The following KSR1 variants were observed in gnomAD, a reference collection of about 807,000 sequenced individuals.
KSR1 encodes kinase suppressor of ras.
In KSR1, 35 loss-of-function variants were observed where a neutral mutation model predicts 92.9. The ratio of observed to expected loss-of-function variants is 0.38; its 90% CI spans 0.29 to 0.50. The LOEUF is 0.50. KSR1 is among the 20% of genes least tolerant of loss of function. The probability of loss-of-function intolerance (pLI) is 0.94; values close to 1 mark genes in which losing one functional copy is unlikely to be tolerated. For missense variants in KSR1, 972 were observed against 1,158.5 expected (o/e 0.84, Z 2.34); for synonymous variants, 467 against 472.6 (o/e 0.99, Z 0.15).
At position 27,559,856 on chromosome 17, in the gene KSR1, G is replaced by A. The variant is rs919343697; in HGVS notation, c.372+9148G>A. ...AGGAGGAGTCTGTGAGGAGGCTGGC[G>A]GGGAGCCGGGGTGGATTCCTGCAGC... On this transcript the variant is annotated intron_variant, in intron 2 of 20. Transcript: ENST00000644974. This position sits in a 1 kb window ranked among gnomAD's most constrained non-coding sequence, Gnocchi z 4.2. Among the ~76,000 whole-genome samples the A allele has an allele frequency of 1.3e-4, 20 of 152,362 alleles. No homozygotes were observed. The highest frequency in any genetic ancestry group is 4.6e-4 in the African/African-American group (19 of 41,596).
chr17:27,547,266 T>A (rs2151081282), intron 1 of KSR1, among the ~76,000 whole-genome samples: 1 of 152,354 alleles, frequency 6.6e-6, no homozygotes, highest in East Asian at 1.9e-4. Flanking sequence ...ATTATGGGTC[T>A]CATTTCATGC....
intron 1 of KSR1, among the ~76,000 whole-genome samples, chr17:27,464,795 A>G (rs2019607251): frequency 6.6e-6 from 1 of 152,084 alleles, no homozygotes; most frequent in Admixed American, 6.5e-5. Context: ...TAATGTAAAA[A>G]TTCTTTACAA....
At chr17:27,457,862 G>A (rs553908103) in intron 1 of KSR1, among the ~76,000 whole-genome samples, 2 of 152,152 alleles carry the variant, frequency 1.3e-5, no homozygotes, top group South Asian at 4.2e-4. Context: ...TGCAGGTCTG[G>A]GGATGTTTTG....
intron 12 of KSR1, 81 bp from the exon 13 acceptor site, chr17:27,604,599 G>T: frequency 7.2e-7 from 1 of 1,394,764 alleles, no homozygotes; most frequent in Admixed American, 1.7e-5. Flanking sequence ...CTTTGTCTCA[G>T]ATCTCTCCCG....
intron 3 of KSR1, chr17:27,578,184 G>A (rs928785272): frequency 6.5e-5 from 11 of 168,362 alleles, no homozygotes; most frequent in East Asian, 3.7e-4. Context: ...ATCTTGCGTC[G>A]GAAACAGCTT....
chr17:27,512,130 T>C (rs557034671), intron 1 of KSR1, among the ~76,000 whole-genome samples: 1 of 152,308 alleles, frequency 6.6e-6, no homozygotes, highest in African/African-American at 2.4e-5. Context: ...CCCAGCAAAA[T>C]TCCCTGCTCT....
intron 4 of KSR1, 143 bp downstream of exon 4, chr17:27,583,248 C>A: frequency 1.6e-6 from 1 of 622,948 alleles, no homozygotes; most frequent in South Asian, 2.1e-5. Flanking sequence ...TCAGTCCATT[C>A]CTCAGACTAC....
intron 1 of KSR1, among the ~76,000 whole-genome samples, chr17:27,542,750 A>G (rs758580602): frequency 6.6e-6 from 1 of 152,186 alleles, no homozygotes; most frequent in African/African-American, 2.4e-5. Flanking sequence ...ACAGAGTTCT[A>G]TTTAGTGAGC....
intron 1 of KSR1, among the ~76,000 whole-genome samples, chr17:27,520,611 C>T (rs753523670): frequency 2.0e-5 from 3 of 152,252 alleles, no homozygotes; most frequent in Non-Finnish European, 4.4e-5. Context: ...CTGGCTTTTC[C>T]GTGCAGAACG....
At chr17:27,462,603 A>G (rs1177184436) in intron 1 of KSR1, among the ~76,000 whole-genome samples, 2 of 152,238 alleles carry the variant, frequency 1.3e-5, no homozygotes, top group Non-Finnish European at 2.9e-5. Context: ...CAGTTTACTC[A>G]TAATTTTTTA....
rs1296442592 is a variant in KSR1 at position 27,560,241 on chromosome 17, A to G, written c.372+9533A>G. ...TCATATTCTGGCAGCAGCTGGGGAA[A>G]TGATTTCAGAGCCTGCTGGCATGGA... On this transcript the variant is annotated intron_variant, in intron 2 of 20. Transcript: ENST00000644974. The G allele has an allele frequency of 3.9e-5, 14 of 363,368 alleles. 1 individual carries two copies. The highest frequency in any genetic ancestry group is 2.8e-4 in the South Asian group (13 of 47,268). The allele number at this position is 363,368 out of a possible 1,614,324, so 22.5% of individuals were successfully genotyped here.
chr17:27,592,809 G>A (rs1316985153), intron 9 of KSR1, among the ~76,000 whole-genome samples, 183 bp downstream of exon 9: 5 of 152,174 alleles, frequency 3.3e-5, no homozygotes, highest in Admixed American at 3.3e-4. Context: ...TTAAGTTGTG[G>A]TGGTACAGCC....
chr17:27,526,758 C>T (rs2070318566), intron 1 of KSR1: 4 of 1,186,428 alleles, frequency 3.4e-6, no homozygotes, highest in Non-Finnish European at 4.9e-6. Context: ...AACTCTTTCT[C>T]ATCATCGCAC....
At chr17:27,547,905 A>G (rs1430061481) in intron 1 of KSR1, among the ~76,000 whole-genome samples, 1 of 151,908 alleles carries the variant, frequency 6.6e-6, no homozygotes, top group African/African-American at 2.4e-5. Context: ...TAGAGGCAGC[A>G]TTTCACCATA....
At chr17:27,461,666 G>C (rs2019444358) in intron 1 of KSR1, among the ~76,000 whole-genome samples, 1 of 152,220 alleles carries the variant, frequency 6.6e-6, no homozygotes, top group African/African-American at 2.4e-5. Flanking sequence ...AGGCAGCCTG[G>C]AGGGAGACCC....
intron 1 of KSR1, among the ~76,000 whole-genome samples, chr17:27,493,136 C>G (rs2068876555): frequency 6.6e-6 from 1 of 152,100 alleles, no homozygotes; most frequent in Non-Finnish European, 1.5e-5. Flanking sequence ...CATGATAACC[C>G]CAGTCTCCTT....
chr17:27,568,635 G>T (rs2072180988), intron 2 of KSR1, among the ~76,000 whole-genome samples: 1 of 152,206 alleles, frequency 6.6e-6, no homozygotes, highest in Non-Finnish European at 1.5e-5. Context: ...TTCTGTCAGT[G>T]CCTTGACCCC....
At chr17:27,569,554 T>C (rs1184076778) in intron 2 of KSR1, among the ~76,000 whole-genome samples, 2 of 152,278 alleles carry the variant, frequency 1.3e-5, no homozygotes, top group Non-Finnish European at 2.9e-5. Flanking sequence ...CCCAGCACTA[T>C]TTTTTGTAGA....
At chr17:27,548,340 G>A (rs959608159) in intron 1 of KSR1, among the ~76,000 whole-genome samples, 2 of 152,070 alleles carry the variant, frequency 1.3e-5, no homozygotes, top group African/African-American at 4.8e-5. Context: ...GCCCCAAACT[G>A]GTTATAAGCT....
Sources: allele counts gnomAD v4.1 joint callset (sites outside exome capture counted in the v4.1 genomes callset), GRCh38; gene constraint gnomAD v4.1.1; non-coding constraint Gnocchi (gnomAD v3.1); transcripts MANE v1.5; gene names NCBI Gene and HGNC (gene_info 2026-07-23, HGNC 2026-07-21).